The following HDAC8 variants were observed in gnomAD, a reference collection of about 807,000 sequenced individuals.
HDAC8 encodes the protein histone deacetylase 8.
HDAC8 carries 1 observed loss-of-function variant against 32.2 expected under a neutral mutation model. The ratio of observed to expected loss-of-function variants is 0.03; its 90% CI spans 0.01 to 0.15. HDAC8 has a LOEUF of 0.15. Ranked by LOEUF, HDAC8 falls within the 10% of genes least tolerant of loss-of-function variation. The probability of loss-of-function intolerance (pLI) is 1.00; values close to 1 mark genes in which losing one functional copy is unlikely to be tolerated. For synonymous variants in HDAC8, 108 were observed against 113.9 expected, an observed-to-expected ratio of 0.95 and a Z score of 0.33; for missense variants, 117 against 300.0, an observed-to-expected ratio of 0.39 and a Z score of 4.51.
At chrX:72,388,204 G>T (rs1156676311) in intron 9 of HDAC8, among the ~76,000 whole-genome samples, 3 of 109,340 alleles carry the variant, frequency 2.7e-5, no homozygotes, top group South Asian at 4.0e-4. Context: ...TTCTGGGAGG[G>T]TGTGTGTGTG....
intron 10 of HDAC8, among the ~76,000 whole-genome samples, chrX:72,346,295 A>G (rs1569230613): frequency 8.9e-6 from 1 of 112,171 alleles, no homozygotes; most frequent in Non-Finnish European, 1.9e-5. Context: ...AAGTCCTTCC[A>G]AGAAGCCCTA....
At chrX:72,559,331 C>T (rs1394344168) in intron 4 of HDAC8, among the ~76,000 whole-genome samples, 6 of 109,579 alleles carry the variant, frequency 5.5e-5, no homozygotes, top group African/African-American at 2.0e-4. Context: ...CTCGGCCTCC[C>T]GAGGTGCCGG....
At chrX:72,550,596 T>C (rs1556067844) in intron 4 of HDAC8, among the ~76,000 whole-genome samples, 1 of 110,288 alleles carries the variant, frequency 9.1e-6, no homozygotes, top group Non-Finnish European at 1.9e-5. Context: ...CCCACCTTGA[T>C]ATGAAAGAAA....
chrX:72,442,892 T>C (rs1330896024), intron 9 of HDAC8, among the ~76,000 whole-genome samples: 1 of 109,462 alleles, frequency 9.1e-6, no homozygotes, highest in African/African-American at 3.3e-5. Flanking sequence ...AATCCTAGTC[T>C]CTGATCAAAC....
rs191242060 is a variant in HDAC8, at chrX:72,442,842, T to C, written c.1005+19162A>G. Among the ~76,000 whole-genome samples, 4 of 110,585 alleles carry C rather than the reference T, an allele frequency of 3.6e-5. No homozygotes were observed. In the Admixed American group the frequency reaches 3.8e-4, roughly 11 times the overall value. ...CTCAAAATAAAAGGATGGAGGAAGA[T>C]CTACCAAGCAAATGGAAAACAAAAA... is the stretch of plus-strand genomic sequence containing the variant. On this transcript the variant is annotated intron_variant, in intron 9 of 10. Transcript: ENST00000373573.
At chrX:72,385,063 T>A (rs782526378) in intron 9 of HDAC8, among the ~76,000 whole-genome samples, 3 of 110,424 alleles carry the variant, frequency 2.7e-5, no homozygotes, top group South Asian at 3.7e-4. Flanking sequence ...AGAAAATTCT[T>A]TTTTTTTTTC....
At chrX:72,334,042 GAAATAATTTT>G (rs2043611060) in intron 10 of HDAC8, among the ~76,000 whole-genome samples, 1 of 112,477 alleles carries the variant, frequency 8.9e-6, no homozygotes. Context: ...AAAAACAACA[GAAATAATTTT>G]CACCAAGAAG....
intron 4 of HDAC8, among the ~76,000 whole-genome samples, chrX:72,567,417 T>C (rs1412779251): frequency 8.9e-6 from 1 of 112,401 alleles, no homozygotes; most frequent in Non-Finnish European, 1.9e-5. Flanking sequence ...AAGACTTCCA[T>C]GATTAATTTC....
chrX:72,487,911 A>C (rs782187664), intron 7 of HDAC8, among the ~76,000 whole-genome samples: 1 of 107,227 alleles, frequency 9.3e-6, no homozygotes. Flanking sequence ...AAAGAAGGGC[A>C]ATTAAACCAT....
At chrX:72,465,368 A>T (rs1555993735) in intron 7 of HDAC8, among the ~76,000 whole-genome samples, 1 of 111,820 alleles carries the variant, frequency 8.9e-6, no homozygotes, top group Admixed American at 9.5e-5. Flanking sequence ...ATTGTAGTGT[A>T]ACAATGAGCA....
At chrX:72,458,170 G>C (rs1417448801) in intron 9 of HDAC8, among the ~76,000 whole-genome samples, 5 of 112,319 alleles carry the variant, frequency 4.5e-5, no homozygotes, top group African/African-American at 1.6e-4. Context: ...CCCTATGGTA[G>C]AGATATCTGG....
At chrX:72,461,399 T>C (rs1569315596) in intron 9 of HDAC8, among the ~76,000 whole-genome samples, 1 of 111,854 alleles carries the variant, frequency 8.9e-6, no homozygotes. Flanking sequence ...CATCTTTGCT[T>C]TGGAAAACAT....
intron 9 of HDAC8, among the ~76,000 whole-genome samples, chrX:72,377,529 T>C (rs2045118792): frequency 8.9e-6 from 1 of 112,013 alleles, no homozygotes; most frequent in African/African-American, 3.2e-5. Context: ...AAATTTCTTA[T>C]TTCTCTTTTT....
chrX:72,563,653 A>G (rs1423686963), intron 4 of HDAC8, among the ~76,000 whole-genome samples: 2 of 112,440 alleles, frequency 1.8e-5, no homozygotes, highest in African/African-American at 6.5e-5. Flanking sequence ...CTTTATTGCT[A>G]GGCATTCATG....
intron 9 of HDAC8, among the ~76,000 whole-genome samples, chrX:72,458,013 C>A (rs993349420): frequency 4.5e-5 from 5 of 111,568 alleles, no homozygotes; most frequent in Non-Finnish European, 9.4e-5. Flanking sequence ...CACACACACA[C>A]CCCAGCCCTA....
At chrX:72,477,172 C>T (rs1427341564) in intron 7 of HDAC8, among the ~76,000 whole-genome samples, 1 of 111,699 alleles carries the variant, frequency 9.0e-6, no homozygotes, top group African/African-American at 3.3e-5. Flanking sequence ...TAGCGATGCC[C>T]TTGGGGGAAA....
At chrX:72,448,110 A>C (rs1267900069) in intron 9 of HDAC8, among the ~76,000 whole-genome samples, 1 of 112,122 alleles carries the variant, frequency 8.9e-6, no homozygotes, top group Non-Finnish European at 1.9e-5. Flanking sequence ...GAACCAAAAA[A>C]GAGCCCTTAT....
intron 10 of HDAC8, among the ~76,000 whole-genome samples, chrX:72,336,790 C>T (rs951717500): frequency 9.1e-6 from 1 of 110,139 alleles, no homozygotes; most frequent in Non-Finnish European, 1.9e-5. Flanking sequence ...CGCTCTGTTG[C>T]CCAGGCTGGA....
chrX:72,396,237 A>G (rs958092333), intron 9 of HDAC8, among the ~76,000 whole-genome samples: 6 of 112,454 alleles, frequency 5.3e-5, no homozygotes, highest in Admixed American at 3.7e-4. Flanking sequence ...TGGCTATTTC[A>G]ATTGCTATCC....
Sources: allele counts gnomAD v4.1 joint callset (sites outside exome capture counted in the v4.1 genomes callset), GRCh38; gene constraint gnomAD v4.1.1; transcripts MANE v1.5; gene names NCBI Gene and HGNC (gene_info 2026-07-23, HGNC 2026-07-21).